The following NALF1 variants were observed in gnomAD, a reference collection of about 807,000 sequenced individuals.
NALF1 encodes NALCN channel auxiliary factor 1.
NALF1 carries 3 observed loss-of-function variants against 48.4 expected under a neutral mutation model. The observed-to-expected ratio is 0.06, with a 90% CI of 0.03 to 0.16. NALF1 has a LOEUF of 0.16. Ranked by LOEUF, NALF1 falls within the 10% of genes least tolerant of loss-of-function variation. NALF1 has a pLI of 1.00. For missense variants in NALF1, 526 were observed against 571.5 expected (o/e 0.92, Z 0.81); for synonymous variants, 262 against 245.7 (o/e 1.07, Z -0.62).
intron 1 of NALF1, among the ~76,000 whole-genome samples, chr13:107,693,215 T>C (rs950321309): frequency 4.0e-5 from 6 of 151,160 alleles, no homozygotes; most frequent in Non-Finnish European, 5.9e-5. Flanking sequence ...GAGCAAACTA[T>C]CACAAGGACA....
chr13:107,232,113 G>A (rs191380351), intron 1 of NALF1, among the ~76,000 whole-genome samples: 1 of 152,320 alleles, frequency 6.6e-6, no homozygotes, highest in East Asian at 1.9e-4. Flanking sequence ...CGATATGTAC[G>A]TCAATCCTGC....
At chr13:107,539,763 A>T (rs549596193) in intron 1 of NALF1, among the ~76,000 whole-genome samples, 2 of 152,220 alleles carry the variant, frequency 1.3e-5, no homozygotes, top group East Asian at 3.9e-4. Flanking sequence ...CATATGACTT[A>T]TATGTTTACA....
chr13:107,822,331 G>A (rs1334480694), intron 1 of NALF1, among the ~76,000 whole-genome samples: 1 of 129,576 alleles, frequency 7.7e-6, no homozygotes. Flanking sequence ...TTTTTTTTGA[G>A]ACAGAGTCTG....
At chr13:107,405,245 A>G (rs1883878915) in intron 1 of NALF1, among the ~76,000 whole-genome samples, 1 of 152,070 alleles carries the variant, frequency 6.6e-6, no homozygotes, top group Non-Finnish European at 1.5e-5. Flanking sequence ...AATATCCAGG[A>G]TTCATTAAAT....
At chr13:107,818,716 C>CAAA (rs1231436172) in intron 1 of NALF1, among the ~76,000 whole-genome samples, 5 of 148,780 alleles carry the variant, frequency 3.4e-5, no homozygotes, top group Admixed American at 2.7e-4. Context: ...ACTAAAAATA[C>CAAA]AAAAAATTAG....
At position 107,438,406 on chromosome 13, in the gene NALF1, T is replaced by A. The variant is rs77103777; in HGVS notation, c.916-227651A>T. 4.5e-3 allele frequency among the ~76,000 whole-genome samples: 680 copies of A among 152,266 alleles called. 6 individuals carry two copies. Among genetic ancestry groups the A allele is most frequent in the African/African-American group, 0.016 (659 of 41,538 alleles). On this transcript the variant is annotated intron_variant, in intron 1 of 2. Coordinates refer to ENST00000375915, the MANE Select transcript of NALF1 (RefSeq NM_001080396.3). ...ATTAGAAACATTATTGAAAAATAACTTCTATAATGCTTGCCAAATTGCCCT... is the reference window on the plus strand; with the variant it reads ...ATTAGAAACATTATTGAAAAATAACATCTATAATGCTTGCCAAATTGCCCT...
intron 1 of NALF1, among the ~76,000 whole-genome samples, chr13:107,214,732 G>C (rs1362547842): frequency 6.6e-6 from 1 of 152,134 alleles, no homozygotes; most frequent in Non-Finnish European, 1.5e-5. Context: ...GTGTTCTCAA[G>C]GTGCTGTCTG....
chr13:107,442,773 G>C (rs1280250941), intron 1 of NALF1, among the ~76,000 whole-genome samples: 1 of 152,180 alleles, frequency 6.6e-6, no homozygotes, highest in Admixed American at 6.5e-5. Flanking sequence ...TTTTTAAAAT[G>C]CTGGTGTAAA....
chr13:107,778,285 G>T (rs1877793639), intron 1 of NALF1, among the ~76,000 whole-genome samples: 1 of 152,180 alleles, frequency 6.6e-6, no homozygotes, highest in Admixed American at 6.5e-5. Flanking sequence ...AATGTATTTG[G>T]AGCATCATGC....
intron 1 of NALF1, among the ~76,000 whole-genome samples, chr13:107,458,118 A>G (rs541652636): frequency 3.9e-5 from 6 of 152,218 alleles, no homozygotes; most frequent in Non-Finnish European, 8.8e-5. Flanking sequence ...TTCAAAAAAC[A>G]TCTCCTTCAT....
intron 1 of NALF1, among the ~76,000 whole-genome samples, chr13:107,601,440 A>T (rs552845577): frequency 6.6e-6 from 1 of 152,246 alleles, no homozygotes; most frequent in Non-Finnish European, 1.5e-5. Flanking sequence ...TATCAACACT[A>T]CTTTCCTGTG....
chr13:107,340,278 T>C (rs1882644605), intron 1 of NALF1, among the ~76,000 whole-genome samples: 1 of 151,776 alleles, frequency 6.6e-6, no homozygotes, highest in African/African-American at 2.4e-5. Context: ...GTAGCTGAGA[T>C]TACAGGTGCC....
intron 1 of NALF1, among the ~76,000 whole-genome samples, chr13:107,293,289 A>G (rs1881665247): frequency 6.6e-6 from 1 of 152,100 alleles, no homozygotes; most frequent in Non-Finnish European, 1.5e-5. Flanking sequence ...CAACTCTGTT[A>G]TAGTTTTATG....
chr13:107,739,578 T>A (rs1379641531), intron 1 of NALF1, among the ~76,000 whole-genome samples: 10 of 152,098 alleles, frequency 6.6e-5, no homozygotes, highest in South Asian at 4.1e-4. Flanking sequence ...ACACAATGAC[T>A]AATGCCATGG....
intron 1 of NALF1, among the ~76,000 whole-genome samples, chr13:107,830,605 C>T (rs1314551743): frequency 1.3e-5 from 2 of 152,120 alleles, no homozygotes; most frequent in Non-Finnish European, 2.9e-5. Context: ...TATTCAAGCC[C>T]TTTGGCCATG....
At chr13:107,493,561 G>T (rs1287870101) in intron 1 of NALF1, among the ~76,000 whole-genome samples, 2 of 152,090 alleles carry the variant, frequency 1.3e-5, no homozygotes, top group East Asian at 3.8e-4. Flanking sequence ...TTCTGAGGGG[G>T]TTGGAACAAA....
In NALF1 at chr13:107,852,326, A is replaced by T. The variant is rs544517740; in HGVS notation, c.915+13356T>A. On this transcript the variant is annotated intron_variant, in intron 1 of 2. Coordinates refer to ENST00000375915, the MANE Select transcript of NALF1 (RefSeq NM_001080396.3). ...TGCACTGTGGGACACCTTTTATCTC[A>T]GTGCCTAAATTACCATTGCCATATA... Among the ~76,000 whole-genome samples the T allele has an allele frequency of 3.3e-5, 5 of 152,278 alleles. 1 individual carries two copies. In the East Asian group the frequency reaches 9.7e-4, roughly 29 times the overall value.
rs779837226 is a variant in NALF1, at chr13:107,865,791, T to C, written c.806A>G (p.Gln269Arg). 6.2e-6 allele frequency: 10 copies of C among 1,613,980 alleles called. No individual in the cohort carries two copies. The highest frequency in any genetic ancestry group is 2.7e-5 in the African/African-American group (2 of 74,914). ...TTCRQCVEAY[Q>R]DYDHHAQEKY... is the part of the protein sequence containing the mutation. ...CTCCTGAGCATGGTGGTCATAGTCC[T>C]GGTAAGCCTCGACGCACTGCCTGCA... is the stretch of plus-strand genomic sequence containing the variant. Residue 269 changes from glutamine (Q) to arginine (R), a missense_variant, in exon 1 of 3, where the codon CAG becomes CGG. Physicochemically the swap from Gln to Arg is conservative, Grantham distance 43. Around this residue, in one of 2 missense-constraint regions of NALF1, gnomAD observed 373 missense variants for 355.5 expected, o/e 1.05. Coordinates refer to ENST00000375915, the MANE Select transcript of NALF1 (RefSeq NM_001080396.3).
intron 1 of NALF1, among the ~76,000 whole-genome samples, chr13:107,329,985 C>G (rs6492049): frequency 0.76 from 115,421 of 152,002 alleles, 44,258 homozygotes; most frequent in Non-Finnish European, 0.81. Flanking sequence ...GTGAGGTGTG[C>G]GAATGAAACA....
Sources: allele counts gnomAD v4.1 joint callset (sites outside exome capture counted in the v4.1 genomes callset), GRCh38; gene constraint gnomAD v4.1.1; regional missense constraint gnomAD v4.1.1; transcripts MANE v1.5; gene names NCBI Gene and HGNC (gene_info 2026-07-23, HGNC 2026-07-21).